IPO11: variants seen among roughly 807,000 people sequenced by gnomAD.
IPO11 encodes the protein importin-11.
IPO11 carries 66 observed loss-of-function variants against 143.2 expected under a neutral mutation model. That is an observed-to-expected ratio of 0.46 (90% CI 0.38 to 0.57). IPO11 has a LOEUF of 0.57. Ranked by LOEUF, IPO11 falls within the 20% of genes least tolerant of loss-of-function variation. The pLI, the probability that IPO11 is intolerant of heterozygous loss-of-function variation, is 0.00. For missense variants in IPO11, 1,026 were observed against 1,141.0 expected (o/e 0.90, Z 1.45); for synonymous variants, 385 against 377.8 (o/e 1.02, Z -0.22).
intron 19 of IPO11, among the ~76,000 whole-genome samples, chr5:62,507,211 A>G (rs900141725): frequency 1.3e-5 from 2 of 152,182 alleles, no homozygotes; most frequent in Non-Finnish European, 2.9e-5. Context: ...GAACTTTTCA[A>G]AGTTCACGTA....
chr5:62,611,529 G>C (rs2112465638), intron 29 of IPO11, among the ~76,000 whole-genome samples: 1 of 152,252 alleles, frequency 6.6e-6, no homozygotes, highest in South Asian at 2.1e-4. Context: ...TTTTAGTTGA[G>C]ATTTCAAATT....
chr5:62,470,919 C>CTGG (rs2112199923), intron 7 of IPO11, among the ~76,000 whole-genome samples: 1 of 141,836 alleles, frequency 7.1e-6, no homozygotes, highest in East Asian at 2.2e-4. Flanking sequence ...CCTCTGCCTC[C>CTGG]TGGGTTCAAG....
At chr5:62,478,062 C>T (rs1021331771) in intron 9 of IPO11, among the ~76,000 whole-genome samples, 8 of 152,006 alleles carry the variant, frequency 5.3e-5, no homozygotes, top group South Asian at 2.1e-4. Context: ...TGCTGCTTTC[C>T]CCTCCCACCC....
At chr5:62,514,328 G>A (rs572421301) in intron 19 of IPO11, among the ~76,000 whole-genome samples, 2 of 152,106 alleles carry the variant, frequency 1.3e-5, no homozygotes, top group African/African-American at 2.4e-5. Context: ...ATGAGACTCC[G>A]TCTGCAATCC....
chr5:62,586,138 A>C (rs186940459), intron 27 of IPO11, among the ~76,000 whole-genome samples: 9 of 152,346 alleles, frequency 5.9e-5, no homozygotes, highest in African/African-American at 1.7e-4. Flanking sequence ...GTCATTGAGC[A>C]TAAAGTTTTT....
chr5:62,495,661 G>A (rs1280139892), intron 16 of IPO11, among the ~76,000 whole-genome samples: 2 of 151,934 alleles, frequency 1.3e-5, no homozygotes, highest in Admixed American at 6.6e-5. Flanking sequence ...TGTAGAGATG[G>A]TATGTTGCCA....
intron 24 of IPO11, among the ~76,000 whole-genome samples, chr5:62,539,115 G>A (rs990951895): frequency 2.0e-5 from 3 of 152,142 alleles, no homozygotes; most frequent in Non-Finnish European, 4.4e-5. Context: ...TAGGGATGCT[G>A]TAACAAAATA....
intron 29 of IPO11, among the ~76,000 whole-genome samples, chr5:62,603,035 C>A (rs1745563895): frequency 6.6e-6 from 1 of 152,116 alleles, no homozygotes; most frequent in South Asian, 2.1e-4. Context: ...CCTCATTTAA[C>A]ATCATTGATA....
intron 22 of IPO11, among the ~76,000 whole-genome samples, chr5:62,534,291 T>C (rs1236678251): frequency 6.6e-6 from 1 of 152,188 alleles, no homozygotes; most frequent in African/African-American, 2.4e-5. Flanking sequence ...GTCCTAGTTA[T>C]TGCAAATGCA....
intron 25 of IPO11, 39 bp downstream of exon 25, chr5:62,550,501 T>A: frequency 1.5e-6 from 2 of 1,325,464 alleles, no homozygotes; most frequent in Non-Finnish European, 2.1e-6. Context: ...AGTGTTAGAC[T>A]ATAGGATTCT....
chr5:62,423,621 C>T (rs1561303585), intron 1 of IPO11, among the ~76,000 whole-genome samples: 1 of 152,128 alleles, frequency 6.6e-6, no homozygotes, highest in East Asian at 1.9e-4. Flanking sequence ...TGATGAACCC[C>T]CATCTAGCCA....
intron 5 of IPO11, among the ~76,000 whole-genome samples, chr5:62,465,313 A>G (rs538902844): frequency 1.2e-4 from 18 of 152,318 alleles, no homozygotes; most frequent in African/African-American, 3.6e-4. Context: ...ATATTTTTTC[A>G]ATTCTGGATA....
At chr5:62,543,122 C>G (rs557215837) in intron 24 of IPO11, among the ~76,000 whole-genome samples, 1 of 152,150 alleles carries the variant, frequency 6.6e-6, no homozygotes, top group East Asian at 1.9e-4. Flanking sequence ...GCATTGGAAC[C>G]ATGATATAAC....
chr5:62,619,647 C>A (rs1746272924), intron 29 of IPO11, among the ~76,000 whole-genome samples: 2 of 151,354 alleles, frequency 1.3e-5, no homozygotes, highest in African/African-American at 2.4e-5. Context: ...AGGTCAGGAG[C>A]TCAAGACCAT....
chr5:62,499,715 TA>T (rs1484237746), intron 16 of IPO11, among the ~76,000 whole-genome samples: 1 of 152,170 alleles, frequency 6.6e-6, no homozygotes, highest in East Asian at 1.9e-4. Flanking sequence ...GACTCCTTTG[TA>T]ATAGCACTTA....
chr5:62,559,941 A>G (rs1396548220), intron 26 of IPO11, among the ~76,000 whole-genome samples: 16 of 119,270 alleles, frequency 1.3e-4, no homozygotes, highest in Admixed American at 3.4e-4. Context: ...AAAAAAAAAA[A>G]AGAGAGAGAA....
At chr5:62,439,598 T>C (rs919160417) in intron 2 of IPO11, among the ~76,000 whole-genome samples, 10 of 151,678 alleles carry the variant, frequency 6.6e-5, no homozygotes, top group African/African-American at 2.4e-4. Flanking sequence ...AGTCTTTTTT[T>C]TTTTTTTAAG....
chr5:62,418,252 G>A (rs942995051), intron 1 of IPO11, among the ~76,000 whole-genome samples: 14 of 151,096 alleles, frequency 9.3e-5, no homozygotes, highest in Non-Finnish European at 1.8e-4. Context: ...TGCGACCTCC[G>A]CCTTCTGGGT....
At chr5:62,507,960 T>C (rs971688045) in intron 19 of IPO11, among the ~76,000 whole-genome samples, 2 of 152,200 alleles carry the variant, frequency 1.3e-5, no homozygotes, top group African/African-American at 2.4e-5. Flanking sequence ...TCAAACTAAA[T>C]AGGAAATGGT....
Sources: allele counts gnomAD v4.1 joint callset (sites outside exome capture counted in the v4.1 genomes callset), GRCh38; gene constraint gnomAD v4.1.1; transcripts MANE v1.5; gene names NCBI Gene and HGNC (gene_info 2026-07-23, HGNC 2026-07-21).